CAMSAP3: variants seen among roughly 807,000 people sequenced by gnomAD.
CAMSAP3 encodes calmodulin regulated spectrin associated protein family member 3.
CAMSAP3 carries 34 observed loss-of-function variants against 112.5 expected under a neutral mutation model. The ratio of observed to expected loss-of-function variants is 0.30; its 90% CI spans 0.23 to 0.40. The LOEUF is 0.40. Ranked by LOEUF, CAMSAP3 falls within the 10% of genes least tolerant of loss-of-function variation. The probability of loss-of-function intolerance (pLI) is 1.00; values close to 1 mark genes in which losing one functional copy is unlikely to be tolerated. For missense variants in CAMSAP3, 1,602 were observed against 1,770.3 expected (o/e 0.90, Z 1.71); for synonymous variants, 868 against 799.8 (o/e 1.09, Z -1.44).
rs749609393 is a variant in CAMSAP3, at chr19:7,608,235, G to A, written c.731G>A (p.Cys244Tyr). The A allele has an allele frequency of 3.1e-6, 5 of 1,612,600 alleles. No individual in the cohort carries two copies. The highest frequency in any genetic ancestry group is 2.7e-5 in the African/African-American group (2 of 74,938). ...SGAALAATIH[C>Y]YCPQLLRLEE... The stretch of plus-strand genomic sequence containing the variant: ...GCCGCGCTGGCCGCCACCATCCACT[G>A]CTATTGTCCCCAGCTGCTTCGACTT... The change falls in exon 5 of 17, where the codon TGC becomes TAC. Residue 244 changes from cysteine (C) to tyrosine (Y), a missense_variant. Cys to Tyr is a radical substitution (Grantham distance 194, BLOSUM62 -2). Transcript: ENST00000160298.
At chr19:7,605,100 C>T in intron 1 of CAMSAP3, 126 bp from the exon 2 acceptor site, 1 of 664,814 alleles carries the variant, frequency 1.5e-6, no homozygotes, top group Non-Finnish European at 2.4e-6. Context: ...TCTCCTTTCC[C>T]AATGCCATCC....
At position 7,612,242 on chromosome 19, in the gene CAMSAP3, G is replaced by A. The variant is rs755786561; in HGVS notation, c.1749G>A (p.Ala583=). Residue 583 remains alanine (A), a synonymous_variant, in exon 11 of 17, where the codon GCG becomes GCA. Coordinates refer to ENST00000160298, the MANE Select transcript of CAMSAP3 (RefSeq NM_020902.2). The part of the protein sequence containing the change: ...QLVKAEAEAG[A]GSPTSTPAPP... ...TGAAGGCAGAGGCTGAGGCCGGAGC[G>A]GGGTCCCCCACGTCCACTCCGGCCC... The A allele has an allele frequency of 3.7e-4, 588 of 1,591,392 alleles. No individual in the cohort carries two copies. The highest frequency in any genetic ancestry group is 4.8e-4 in the Non-Finnish European group (556 of 1,169,886).
intron 14 of CAMSAP3, 127 bp downstream of exon 14, chr19:7,616,749 T>C: frequency 1.5e-6 from 1 of 679,478 alleles, no homozygotes; most frequent in Non-Finnish European, 2.6e-6. Context: ...CATGAAGAGA[T>C]GGAGGGACGC....
At position 7,596,076 on chromosome 19, in the gene CAMSAP3, A is replaced by G. The variant is rs1452406593; in HGVS notation, c.74A>G (p.Asp25Gly). 7.8e-7 allele frequency: 1 copy of G among 1,276,106 alleles called. No homozygotes were observed. Among genetic ancestry groups the G allele is most frequent in the Admixed American group, 2.5e-5 (1 of 40,032 alleles). The allele number at this position is 1,276,106 out of a possible 1,614,324, so 79.0% of individuals were successfully genotyped here. ...CTAGTGCCCGAGATCAAGTCGCTGG[A>G]CCAGTACGATTTCTCGCGGGCCAAG... ...TFLVPEIKSL[D>G]QYDFSRAKAA... is the part of the protein sequence containing the mutation. The change falls in exon 1 of 17, where the codon GAC (aspartate) becomes GGC (glycine). Residue 25 changes from aspartate to glycine, a missense_variant. Physicochemically the swap from Asp to Gly is moderately conservative, Grantham distance 94. Around this residue, in one of 6 missense-constraint regions of CAMSAP3, gnomAD observed 147 missense variants for 144.6 expected, o/e 1.02. Transcript: ENST00000160298.
chr19:7,606,234 G>A (rs779208228), intron 2 of CAMSAP3, 37 bp from the exon 3 acceptor site: 117 of 1,469,494 alleles, frequency 8.0e-5, no homozygotes, highest in Non-Finnish European at 9.9e-5. Context: ...GCCTCCTGCA[G>A]CTCTCAGGTC....
intron 5 of CAMSAP3, among the ~76,000 whole-genome samples, chr19:7,609,004 A>T (rs1364315821): frequency 2.0e-5 from 3 of 150,662 alleles, no homozygotes; most frequent in South Asian, 2.1e-4. Flanking sequence ...TTTTAAAAAA[A>T]CTCTTTTTTC....
rs1555758300 is a variant in CAMSAP3, at chr19:7,605,162, G to GTGTGTGTGTGTGTGTA, written c.149-49_149-48insATGTGTGTGTGTGTGT. ...CGGGCCATGTGGTGTGTGTGTGTGT[G>GTGTGTGTGTGTGTGTA]TGTGTGTGTGTGTGTTGTATCTGGT... is the stretch of plus-strand genomic sequence containing the variant. On this transcript the variant is annotated intron_variant, in intron 1 of 16. Transcript: ENST00000160298. 3.8e-5 allele frequency: 41 copies of GTGTGTGTGTGTGTGTA among 1,073,314 alleles called. No homozygotes were observed. The African/African-American group carries it at 6.7e-4, about 17-fold the overall frequency. 66.5% of individuals were successfully genotyped at this position (1,073,314 alleles called of 1,614,324 possible).
Position 7,610,928 on chromosome 19 carries a change from G to T in CAMSAP3, c.1046G>T (p.Ser349Ile). The change falls in exon 8 of 17, where the codon AGT (serine) becomes ATT (isoleucine). Residue 349 changes from serine to isoleucine, a missense_variant. Ser to Ile is a moderately radical substitution (Grantham distance 142). This residue lies in a region of CAMSAP3 where 1,100 missense variants were observed against 1,135.7 expected (regional missense o/e 0.97). Transcript: ENST00000160298. The surrounding 1 kb of genome is among the most constrained non-coding windows in gnomAD (Gnocchi z 4.9). ...TCCCCACCTCAGAACAACAGCGGCA[G>T]TAGGTACGCTCCCCACACTGGGCGA... Reference protein sequence around the residue: ...EASPPQNNSGSSSPVFTFRHP... With the variant: ...EASPPQNNSGISSPVFTFRHP... 6.3e-7 allele frequency: 1 copy of T among 1,582,464 alleles called. No homozygotes were observed. The highest frequency in any genetic ancestry group is 8.6e-7 in the Non-Finnish European group (1 of 1,163,110).
In CAMSAP3 at chr19:7,607,881, C is replaced by A. The variant is rs1322427814; in HGVS notation, c.622-245C>A. 1 of 1,101,240 alleles carries A rather than the reference C, an allele frequency of 9.1e-7. No individual in the cohort carries two copies. The highest frequency in any genetic ancestry group is 1.3e-6 in the Non-Finnish European group (1 of 749,934). The allele number at this position is 1,101,240 out of a possible 1,614,324, so 68.2% of individuals were successfully genotyped here. A position where few individuals can be genotyped will look rare whatever the true frequency, so the allele number is the denominator to read the frequency against. ...CAAACCCCCCATGGTAATGTATCCCCCGCCCCGGGGTCCCAGGAGTCCCTG... is the reference window on the plus strand; with the variant it reads ...CAAACCCCCCATGGTAATGTATCCCACGCCCCGGGGTCCCAGGAGTCCCTG... On this transcript the variant is annotated intron_variant, in intron 4 of 16. Coordinates refer to ENST00000160298, the MANE Select transcript of CAMSAP3 (RefSeq NM_020902.2). This position sits in a 1 kb window ranked among gnomAD's most constrained non-coding sequence, Gnocchi z 4.9.
At chr19:7,606,997 C>T (rs970737192) in intron 4 of CAMSAP3, among the ~76,000 whole-genome samples, 2 of 151,656 alleles carry the variant, frequency 1.3e-5, no homozygotes, top group Non-Finnish European at 2.9e-5. Flanking sequence ...GGTAGAATCT[C>T]GGCCATTAAC....
intron 11 of CAMSAP3, among the ~76,000 whole-genome samples, chr19:7,613,545 G>A (rs1484158736): frequency 6.6e-6 from 1 of 151,566 alleles, no homozygotes; most frequent in Non-Finnish European, 1.5e-5. Flanking sequence ...TGGGGGTGAG[G>A]GGTTTCCAGT....
rs2030742650 is a variant in CAMSAP3 at position 7,615,624 on chromosome 19, G to T, written c.3017G>T (p.Gly1006Val). The stretch of plus-strand genomic sequence containing the variant: ...CTGCGGCCCCGGGCTGCGGGGTCCG[G>T]GGGTCCAGGTCGGGGCGGGCGGAGG... ...KVLRPRAAGSGGPGRGGRRAT... is the reference protein window; with the variant it reads ...KVLRPRAAGSVGPGRGGRRAT... The change falls in exon 13 of 17, where the codon GGG becomes GTG. Residue 1006 changes from glycine (G) to valine (V), a missense_variant. Transcript: ENST00000160298. The surrounding 1 kb of genome is among the most constrained non-coding windows in gnomAD (Gnocchi z 6.5). 1.4e-6 allele frequency: 2 copies of T among 1,449,530 alleles called. No individual in the cohort carries two copies. Among genetic ancestry groups the T allele is most frequent in the South Asian group, 1.4e-5 (1 of 70,430 alleles). The allele number at this position is 1,449,530 out of a possible 1,614,324, so 89.8% of individuals were successfully genotyped here. A position where few individuals can be genotyped will look rare whatever the true frequency, so the allele number is the denominator to read the frequency against.
chr19:7,612,439 C>A lies in CAMSAP3; in HGVS notation c.1946C>A (p.Ala649Glu). 4 of 1,589,450 alleles carry A rather than the reference C, an allele frequency of 2.5e-6. No individual in the cohort carries two copies. The highest frequency in any genetic ancestry group is 3.5e-5 in the Admixed American group (2 of 56,832). Residue 649 changes from alanine (A) to glutamate (E), a missense_variant, in exon 11 of 17, where the codon GCG (alanine) becomes GAG (glutamate). Physicochemically the swap from Ala to Glu is moderately radical, Grantham distance 107. Coordinates refer to ENST00000160298, the MANE Select transcript of CAMSAP3 (RefSeq NM_020902.2). ...QVQPREASGE[A>E]EAEAEEADSG... is the part of the protein sequence containing the mutation. ...CAGCCGCGGGAAGCCTCTGGGGAGGCGGAAGCAGAGGCGGAGGAGGCCGAT... is the reference window on the plus strand; with the variant it reads ...CAGCCGCGGGAAGCCTCTGGGGAGGAGGAAGCAGAGGCGGAGGAGGCCGAT...
At chr19:7,606,071 G>A (rs1329791118) in intron 2 of CAMSAP3, among the ~76,000 whole-genome samples, 200 bp from the exon 3 acceptor site, 1 of 151,990 alleles carries the variant, frequency 6.6e-6, no homozygotes, top group Non-Finnish European at 1.5e-5. Flanking sequence ...CCCACCCATC[G>A]TGCGTGGCTT....
Position 7,611,151 on chromosome 19 carries a change from CA to C in CAMSAP3, c.1107del (p.Leu370SerfsTer8). 1 of 1,613,624 alleles carries C rather than the reference CA, an allele frequency of 6.2e-7. No homozygotes were observed. The highest frequency in any genetic ancestry group is 8.5e-7 in the Non-Finnish European group (1 of 1,179,950). ...CTGTCATCTGGTGGCCCCCAGTCCC[CA>C]CTCCGAGGATCCACAGGTGAGGAGG... ...PLLSSGGPQS[P>X]LRGSTGSLKS... On this transcript the variant is annotated frameshift_variant, in exon 9 of 17. Transcript: ENST00000160298. LOFTEE classifies it high-confidence loss of function. The surrounding 1 kb of genome is among the most constrained non-coding windows in gnomAD (Gnocchi z 6.9).
rs762402404 is a variant in CAMSAP3 at position 7,617,474 on chromosome 19, G to C, written c.3325+36G>C. ...GCTCTGGGTGATGTGAGGAGCAACA[G>C]GCACCCTCCTCCACAGCCCCTGCTC... On this transcript the variant is annotated intron_variant, in intron 15 of 16. Transcript: ENST00000160298. This position sits in a 1 kb window ranked among gnomAD's most constrained non-coding sequence, Gnocchi z 7.5. The C allele has an allele frequency of 2.5e-6, 4 of 1,605,272 alleles. No individual in the cohort carries two copies. Among genetic ancestry groups the C allele is most frequent in the East Asian group, 2.2e-5 (1 of 44,832 alleles).
chr19:7,606,563 C>A lies in CAMSAP3; in HGVS notation c.613C>A (p.Gln205Lys). The change falls in exon 4 of 17, where the codon CAG becomes AAG. Residue 205 changes from glutamine to lysine, a missense_variant. Around this residue, in one of 6 missense-constraint regions of CAMSAP3, gnomAD observed 112 missense variants for 94.2 expected, o/e 1.19. Coordinates refer to ENST00000160298, the MANE Select transcript of CAMSAP3 (RefSeq NM_020902.2). ...AAPADGAAPA[Q>K]PSIRYRKDRV... ...CCCTGCAGACGGGGCGGCCCCGGCG[C>A]AGCCCTCGGTGAGGCCAGGGCATAG... 1 of 1,532,352 alleles carries A rather than the reference C, an allele frequency of 6.5e-7. No homozygotes were observed. Among genetic ancestry groups the A allele is most frequent in the Non-Finnish European group, 8.7e-7 (1 of 1,145,140 alleles). 94.9% of individuals were successfully genotyped at this position (1,532,352 alleles called of 1,614,324 possible). A position where few individuals can be genotyped will look rare whatever the true frequency, so the allele number is the denominator to read the frequency against.
intron 13 of CAMSAP3, 163 bp from the exon 14 acceptor site, chr19:7,616,360 G>A: frequency 1.7e-6 from 1 of 587,296 alleles, no homozygotes; most frequent in Non-Finnish European, 3.1e-6. Context: ...GCTGGGCAAA[G>A]CATCCTCCCT....
At position 7,615,352 on chromosome 19, in the gene CAMSAP3, T is replaced by C; in HGVS notation, c.2810+30T>C. On this transcript the variant is annotated intron_variant, in intron 12 of 16. Coordinates refer to ENST00000160298, the MANE Select transcript of CAMSAP3 (RefSeq NM_020902.2). This position sits in a 1 kb window ranked among gnomAD's most constrained non-coding sequence, Gnocchi z 6.5. ...GGCCGGGCCTGCCCGGGACGCCCGCTCCTTGGCCTGTCTGCCACCGCGGAC... is the reference window on the plus strand; with the variant it reads ...GGCCGGGCCTGCCCGGGACGCCCGCCCCTTGGCCTGTCTGCCACCGCGGAC... 1 of 1,534,484 alleles carries C rather than the reference T, an allele frequency of 6.5e-7. No individual in the cohort carries two copies. The highest frequency in any genetic ancestry group is 1.2e-5 in the South Asian group (1 of 82,826).
Sources: gnomAD v4.1 joint callset for allele counts (sites outside exome capture counted in the v4.1 genomes callset) on GRCh38, gnomAD v4.1.1 for gene constraint, gnomAD v4.1.1 regional missense constraint, Gnocchi (gnomAD v3.1) non-coding constraint, MANE v1.5 for transcripts, NCBI Gene and HGNC (gene_info 2026-07-23, HGNC 2026-07-21) for gene names.